Variants in MAP7D2 observed in about 807,000 individuals in gnomAD.
MAP7D2 encodes the protein MAP7 domain containing 2, also known as MAP7 domain-containing protein 2.
MAP7D2 carries 33 observed loss-of-function variants against 63.5 expected under a neutral mutation model. The observed-to-expected ratio is 0.52, with a 90% CI of 0.39 to 0.70. MAP7D2 has a LOEUF of 0.70. MAP7D2 is among the 30% of genes least tolerant of loss of function. The pLI, the probability that MAP7D2 is intolerant of heterozygous loss-of-function variation, is 0.00. For synonymous variants in MAP7D2, 224 were observed against 223.7 expected, an observed-to-expected ratio of 1.00 and a Z score of -0.01; for missense variants, 626 against 604.0, an observed-to-expected ratio of 1.04 and a Z score of -0.38.
At chrX:20,013,734 A>T (rs1340146699) in intron 12 of MAP7D2, 109 bp from the exon 13 acceptor site, 1 of 541,013 alleles carries the variant, frequency 1.8e-6, no homozygotes, top group African/African-American at 2.3e-5. Context: ...AACTTGTAAA[A>T]GGCAAAAGTC....
chrX:20,103,767 T>C (rs1339508568), intron 1 of MAP7D2, among the ~76,000 whole-genome samples: 1 of 112,234 alleles, frequency 8.9e-6, no homozygotes, highest in Non-Finnish European at 1.9e-5. Context: ...TATGGAACAG[T>C]TCAGACCTAG....
At chrX:20,089,485 C>T (rs1294899128) in intron 1 of MAP7D2, among the ~76,000 whole-genome samples, 3 of 112,390 alleles carry the variant, frequency 2.7e-5, no homozygotes, top group Non-Finnish European at 5.6e-5. Context: ...CTCAATAGCT[C>T]AGCCTCAATT....
intron 8 of MAP7D2, among the ~76,000 whole-genome samples, chrX:20,035,961 T>C (rs866084477): frequency 2.9e-5 from 3 of 103,147 alleles, no homozygotes; most frequent in Non-Finnish European, 6.0e-5. Flanking sequence ...TGTGTGTGTA[T>C]AAAATAGTTC....
At chrX:20,096,262 T>C (rs1437457084) in intron 1 of MAP7D2, among the ~76,000 whole-genome samples, 2 of 97,165 alleles carry the variant, frequency 2.1e-5, no homozygotes, top group African/African-American at 7.4e-5. Context: ...CCCTGTCCTT[T>C]TTTTTTTTTT....
rs995242287 is a variant in MAP7D2, at chrX:20,006,837, C to A, written c.*1588G>T. 9.0e-6 allele frequency: 1 copy of A among 111,574 alleles called. No individual in the cohort carries two copies. Among genetic ancestry groups the A allele is most frequent in the Non-Finnish European group, 1.9e-5 (1 of 53,133 alleles). The allele number at this position is 111,574 out of a possible 1,213,427, so 9.2% of individuals were successfully genotyped here. A position where few individuals can be genotyped will look rare whatever the true frequency, so the allele number is the denominator to read the frequency against. On this transcript the variant is annotated 3_prime_UTR_variant, in exon 17 of 17. Coordinates refer to ENST00000379643, the MANE Select transcript of MAP7D2 (RefSeq NM_001168465.2). Reference sequence around the variant, plus strand: ...GTTTGGTTTCAGCACATTGAGCTTACAGAAAAAATAAAACGCTAGCAAGTC... The same window carrying A: ...GTTTGGTTTCAGCACATTGAGCTTAAAGAAAAAATAAAACGCTAGCAAGTC...
intron 8 of MAP7D2, among the ~76,000 whole-genome samples, chrX:20,039,997 CA>C (rs759631358): frequency 2.5e-3 from 75 of 29,793 alleles, no homozygotes; most frequent in African/African-American, 7.2e-3. Context: ...GACTCCATCT[CA>C]AAAAAAAAAA....
chrX:20,041,397 G>T (rs2148271934), intron 8 of MAP7D2, among the ~76,000 whole-genome samples: 2 of 112,019 alleles, frequency 1.8e-5, no homozygotes, highest in East Asian at 5.5e-4. Context: ...GCTATGGAAA[G>T]ATTTTCCTTA....
intron 8 of MAP7D2, among the ~76,000 whole-genome samples, chrX:20,027,066 A>C (rs974024215): frequency 8.9e-6 from 1 of 112,305 alleles, no homozygotes; most frequent in Non-Finnish European, 1.9e-5. Flanking sequence ...AATAAGGGGA[A>C]ATATGATCAG....
rs539620594 is a variant in MAP7D2 at position 20,087,879 on chromosome X, C to CTT, written c.131-23076_131-23075dup. ...ATGGATCCAGCAACTAATTTCTTTTCTTTTTTTTTTTTTTTTTTTTTTTTT... is the reference window on the plus strand; with the variant it reads ...ATGGATCCAGCAACTAATTTCTTTTCTTTTTTTTTTTTTTTTTTTTTTTTTTT... On this transcript the variant is annotated intron_variant, in intron 1 of 16. Coordinates refer to ENST00000379643, the MANE Select transcript of MAP7D2 (RefSeq NM_001168465.2). Among the ~76,000 whole-genome samples, 45 of 52,857 alleles carry CTT rather than the reference C, an allele frequency of 8.5e-4. 1 individual carries two copies. The highest frequency in any genetic ancestry group is 2.4e-3 in the South Asian group (2 of 848). 45.9% of individuals were successfully genotyped at this position (52,857 alleles called of 115,157 possible). A position where few individuals can be genotyped will look rare whatever the true frequency, so the allele number is the denominator to read the frequency against.
intron 10 of MAP7D2, chrX:20,021,674 A>G (rs1454433795): frequency 9.0e-6 from 1 of 111,717 alleles, no homozygotes. Flanking sequence ...CCTCACCTAA[A>G]ATCAAATGAA....
chrX:20,093,022 G>C (rs1221004882), intron 1 of MAP7D2, among the ~76,000 whole-genome samples: 1 of 111,845 alleles, frequency 8.9e-6, no homozygotes, highest in African/African-American at 3.3e-5. Context: ...ATCAATCTGA[G>C]ACCAGCTTCC....
chrX:20,038,672 C>T (rs745341661), intron 8 of MAP7D2, among the ~76,000 whole-genome samples: 2 of 111,418 alleles, frequency 1.8e-5, no homozygotes, highest in South Asian at 3.8e-4. Flanking sequence ...CGCAACATTA[C>T]GTTCTGCTGG....
At chrX:20,106,642 A>C (rs192379941) in intron 1 of MAP7D2, among the ~76,000 whole-genome samples, 221 of 112,523 alleles carry the variant, frequency 2.0e-3, no homozygotes, top group Middle Eastern at 4.6e-3. Context: ...CGTGAAACGC[A>C]AACAGTCCAA....
rs72039188 is a variant in MAP7D2, at chrX:20,099,235, A to ACT, written c.130+17513_130+17514dup. 3.4e-3 allele frequency among the ~76,000 whole-genome samples: 323 copies of ACT among 93,648 alleles called. 2 individuals are homozygous for ACT. The highest frequency in any genetic ancestry group is 0.012 in the African/African-American group (292 of 25,165). 81.3% of individuals were successfully genotyped at this position (93,648 alleles called of 115,157 possible). A position where few individuals can be genotyped will look rare whatever the true frequency, so the allele number is the denominator to read the frequency against. ...GTCCTCTGCCACACTGCAAGTTTAT[A>ACT]CTCTCTCTCTCTCTCTCTCTCTCTC... On this transcript the variant is annotated intron_variant, in intron 1 of 16. Transcript: ENST00000379643.
chrX:20,009,405 T>G (rs2073104827), intron 16 of MAP7D2, among the ~76,000 whole-genome samples: 1 of 111,681 alleles, frequency 9.0e-6, no homozygotes, highest in Non-Finnish European at 1.9e-5. Context: ...GGCTCACGCC[T>G]GTAATCCTAG....
intron 1 of MAP7D2, among the ~76,000 whole-genome samples, chrX:20,102,265 G>GA (rs747834896): frequency 1.2e-4 from 13 of 111,896 alleles, no homozygotes; most frequent in Non-Finnish European, 1.3e-4. Flanking sequence ...AATAAGAAGG[G>GA]AAAAAACCAT....
At chrX:20,032,681 T>C (rs2074090161) in intron 8 of MAP7D2, among the ~76,000 whole-genome samples, 1 of 112,468 alleles carries the variant, frequency 8.9e-6, no homozygotes, top group Non-Finnish European at 1.9e-5. Context: ...TGATTATCTT[T>C]GGCACACTGA....
Position 20,007,462 on chromosome X carries a change from T to G in MAP7D2, c.*963A>C, listed in dbSNP as rs1179111868. 8.9e-6 allele frequency: 1 copy of G among 112,119 alleles called. No homozygotes were observed. Among genetic ancestry groups the G allele is most frequent in the Non-Finnish European group, 1.9e-5 (1 of 53,165 alleles). 9.2% of individuals were successfully genotyped at this position (112,119 alleles called of 1,213,427 possible). On this transcript the variant is annotated 3_prime_UTR_variant, in exon 17 of 17. Coordinates refer to ENST00000379643, the MANE Select transcript of MAP7D2 (RefSeq NM_001168465.2). ...GATTTTTTCTTGAAGTCCATTAAAGTGACATACTGGGTCCAATGTGGGCCC... is the reference window on the plus strand; with the variant it reads ...GATTTTTTCTTGAAGTCCATTAAAGGGACATACTGGGTCCAATGTGGGCCC...
chrX:20,090,899 G>A (rs999876984), intron 1 of MAP7D2, among the ~76,000 whole-genome samples: 4 of 110,641 alleles, frequency 3.6e-5, no homozygotes, highest in Non-Finnish European at 7.6e-5. Flanking sequence ...AGCCTGGGAG[G>A]CGAAGATTAC....
Sources: gnomAD v4.1 joint callset for allele counts (sites outside exome capture counted in the v4.1 genomes callset) on GRCh38, gnomAD v4.1.1 for gene constraint, MANE v1.5 for transcripts, NCBI Gene and HGNC (gene_info 2026-07-23, HGNC 2026-07-21) for gene names.